PDLIM5: variants seen among roughly 807,000 people sequenced by gnomAD.
PDLIM5 encodes PDZ and LIM domain protein 5.
Under a neutral mutation model 64.2 loss-of-function variants are expected in PDLIM5, and 34 were observed. The observed-to-expected ratio is 0.53, with a 90% CI of 0.40 to 0.71. The LOEUF is 0.71. Among genes scored for constraint, PDLIM5 ranks in the 30% least tolerant of loss-of-function variants. PDLIM5 has a pLI of 0.00. For missense variants in PDLIM5, 683 were observed against 733.6 expected (o/e 0.93, Z 0.80); for synonymous variants, 253 against 269.1 (o/e 0.94, Z 0.59).
chr4:94,452,728 C>T (rs1354604583), intron 1 of PDLIM5, among the ~76,000 whole-genome samples: 2 of 152,074 alleles, frequency 1.3e-5, no homozygotes, highest in South Asian at 4.1e-4. Flanking sequence ...TTCGTGGCGG[C>T]GCTGGGCAGG....
intron 3 of PDLIM5, among the ~76,000 whole-genome samples, chr4:94,550,714 A>G (rs1302903820): frequency 1.3e-5 from 2 of 152,156 alleles, no homozygotes; most frequent in Non-Finnish European, 2.9e-5. Flanking sequence ...GTCAACTGTA[A>G]TTATCCATAC....
chr4:94,516,940 A>G (rs1021813264), intron 2 of PDLIM5, among the ~76,000 whole-genome samples: 1 of 152,222 alleles, frequency 6.6e-6, no homozygotes, highest in African/African-American at 2.4e-5. Flanking sequence ...CCAACATTAT[A>G]TAACAACAAG....
chr4:94,624,726 CTG>C (rs1485587014), intron 8 of PDLIM5, among the ~76,000 whole-genome samples: 2 of 152,132 alleles, frequency 1.3e-5, no homozygotes, highest in African/African-American at 4.8e-5. Context: ...TATGCAAAAA[CTG>C]AGAGAATTTG....
In PDLIM5 at chr4:94,575,788, C is replaced by A. The variant is rs376940621; in HGVS notation, c.464C>A (p.Ala155Glu). 6.2e-7 allele frequency: 1 copy of A among 1,614,070 alleles called. No individual in the cohort carries two copies. Among genetic ancestry groups the A allele is most frequent in the Non-Finnish European group, 8.5e-7 (1 of 1,179,968 alleles). Reference protein sequence around the residue: ...SPSSAFTPAHATTSSHASPSP... With the variant: ...SPSSAFTPAHETTSSHASPSP... ...TCGTCTGCCTTCACCCCAGCCCATG[C>A]GACCACCTCATCACATGCTTCCCCT... Residue 155 changes from alanine (A) to glutamate (E), a missense_variant, in exon 5 of 13, where the codon GCG becomes GAG. Transcript: ENST00000317968.
At chr4:94,591,440 C>T (rs1020077460) in intron 7 of PDLIM5, among the ~76,000 whole-genome samples, 9 of 152,236 alleles carry the variant, frequency 5.9e-5, no homozygotes, top group African/African-American at 2.2e-4. Flanking sequence ...GTGCTGCCCA[C>T]TCAGATACCA....
Position 94,586,454 on chromosome 4 carries a change from C to A in PDLIM5, c.920+10C>A. On this transcript the variant is annotated intron_variant, in intron 7 of 12. Transcript: ENST00000317968. ...ATACAAAGAAGGCAAAGTAAGTTCT[C>A]TATCTTTTTGACAATTGAATGTTTT... The A allele has an allele frequency of 6.7e-7, 1 of 1,494,384 alleles. No individual in the cohort carries two copies. The highest frequency in any genetic ancestry group is 1.2e-5 in the South Asian group (1 of 86,464). The allele number at this position is 1,494,384 out of a possible 1,614,324, so 92.6% of individuals were successfully genotyped here. A position where few individuals can be genotyped will look rare whatever the true frequency, so the allele number is the denominator to read the frequency against.
At chr4:94,469,003 A>C (rs546402651) in intron 2 of PDLIM5, among the ~76,000 whole-genome samples, 10 of 152,358 alleles carry the variant, frequency 6.6e-5, no homozygotes, top group Middle Eastern at 6.8e-3. Flanking sequence ...TAGGAAAGGA[A>C]AAGATGAGCG....
intron 7 of PDLIM5, among the ~76,000 whole-genome samples, chr4:94,601,428 C>G (rs931383574): frequency 2.0e-4 from 30 of 152,282 alleles, no homozygotes; most frequent in African/African-American, 7.0e-4. Flanking sequence ...TGGGGGGACA[C>G]AAACGTTCAC....
intron 2 of PDLIM5, chr4:94,456,884 G>A (rs778544996): frequency 1.2e-5 from 13 of 1,073,584 alleles, no homozygotes; most frequent in South Asian, 2.6e-5. Flanking sequence ...ATGCAAAATA[G>A]TGATATTATT....
chr4:94,473,094 A>G (rs531539135), intron 2 of PDLIM5, among the ~76,000 whole-genome samples: 25 of 152,284 alleles, frequency 1.6e-4, no homozygotes, highest in African/African-American at 5.5e-4. Flanking sequence ...GACCTCACAG[A>G]TAAGGTGACA....
At chr4:94,610,011 A>G in intron 7 of PDLIM5, 1 of 525,292 alleles carries the variant, frequency 1.9e-6, no homozygotes, top group Non-Finnish European at 3.3e-6. Context: ...CACAGACTAA[A>G]TGGCCTGAAC....
At chr4:94,622,862 G>T (rs1330879187) in intron 8 of PDLIM5, among the ~76,000 whole-genome samples, 1 of 151,986 alleles carries the variant, frequency 6.6e-6, no homozygotes, top group African/African-American at 2.4e-5. Context: ...ATAGAGACGG[G>T]GTTTCACCAT....
At position 94,586,389 on chromosome 4, in the gene PDLIM5, A is replaced by G. The variant is rs1484447994; in HGVS notation, c.884-19A>G. The G allele has an allele frequency of 2.9e-6, 4 of 1,363,040 alleles. No homozygotes were observed. The highest frequency in any genetic ancestry group is 4.2e-6 in the Non-Finnish European group (4 of 959,166). 84.4% of individuals were successfully genotyped at this position (1,363,040 alleles called of 1,614,324 possible). A position where few individuals can be genotyped will look rare whatever the true frequency, so the allele number is the denominator to read the frequency against. On this transcript the variant is annotated intron_variant, in intron 6 of 12. Coordinates refer to ENST00000317968, the MANE Select transcript of PDLIM5 (RefSeq NM_006457.5). ...TAAACAAAACAAACTAATATTGGAT[A>G]TTGCTTATTATATTTCAGTGAAAGA... is the stretch of plus-strand genomic sequence containing the variant.
At chr4:94,526,388 A>G (rs1462963966) in intron 3 of PDLIM5, among the ~76,000 whole-genome samples, 1 of 152,220 alleles carries the variant, frequency 6.6e-6, no homozygotes, top group Non-Finnish European at 1.5e-5. Context: ...ACATTTGAGT[A>G]TACTACTTAA....
chr4:94,610,210 A>T (rs979573985), intron 7 of PDLIM5: 1 of 1,524,716 alleles, frequency 6.6e-7, no homozygotes, highest in Non-Finnish European at 8.8e-7. Flanking sequence ...AGGTTTTCGA[A>T]ACTTTTCTAC....
intron 7 of PDLIM5, chr4:94,587,843 GAT>G: frequency 2.4e-6 from 2 of 835,472 alleles, no homozygotes; most frequent in Non-Finnish European, 2.9e-6. Flanking sequence ...TAACTAATAA[GAT>G]ATGGAAAAGA....
chr4:94,654,297 C>T (rs958921918), intron 9 of PDLIM5, among the ~76,000 whole-genome samples, 163 bp from the exon 10 acceptor site: 1 of 152,144 alleles, frequency 6.6e-6, no homozygotes, highest in Non-Finnish European at 1.5e-5. Flanking sequence ...AATGCAGAGT[C>T]CCTCTGTGAA....
intron 9 of PDLIM5, among the ~76,000 whole-genome samples, chr4:94,652,664 G>GC (rs1252162380): frequency 6.6e-6 from 1 of 152,038 alleles, no homozygotes; most frequent in East Asian, 1.9e-4. Flanking sequence ...TTCTTTTCTG[G>GC]CAGGAATTAG....
At chr4:94,471,297 A>C (rs1459579703) in intron 2 of PDLIM5, among the ~76,000 whole-genome samples, 1 of 152,174 alleles carries the variant, frequency 6.6e-6, no homozygotes, top group Non-Finnish European at 1.5e-5. Context: ...AAATATGATA[A>C]CACAATACAC....
Sources: allele counts gnomAD v4.1 joint callset (sites outside exome capture counted in the v4.1 genomes callset), GRCh38; gene constraint gnomAD v4.1.1; transcripts MANE v1.5; gene names NCBI Gene and HGNC (gene_info 2026-07-23, HGNC 2026-07-21).